The following NAV2 variants were observed in gnomAD, a reference collection of about 807,000 sequenced individuals.
NAV2 encodes the protein helicase, APC down-regulated 1.
In NAV2, 54 loss-of-function variants were observed where a neutral mutation model predicts 223.2. The observed-to-expected ratio is 0.24, with a 90% CI of 0.19 to 0.30. NAV2 has a LOEUF of 0.30. NAV2 is among the 10% of genes least tolerant of loss of function. The probability of loss-of-function intolerance (pLI) is 1.00; values close to 1 mark genes in which losing one functional copy is unlikely to be tolerated. For synonymous variants in NAV2, 1,279 were observed against 1,239.3 expected (o/e 1.03, Z -0.67); for missense variants, 2,806 against 3,147.5 (o/e 0.89, Z 2.60).
chr11:19,877,470 C>CTTTTTTTTTTTTTTCTTTTTTGTTTTGT, intron 4 of NAV2, among the ~76,000 whole-genome samples: 1 of 82,606 alleles, frequency 1.2e-5, no homozygotes, highest in Non-Finnish European at 2.2e-5. Flanking sequence ...TATCTTCATT[C>CTTTTTTTTTTTTTTCTTTTTTGTTTTGT]TTTTTTTTTT....
chr11:19,407,214 G>A (rs944879157), intron 1 of NAV2, among the ~76,000 whole-genome samples: 11 of 152,148 alleles, frequency 7.2e-5, no homozygotes, highest in African/African-American at 2.7e-4. Context: ...ATTTTGCAGG[G>A]TACTGGAAAG....
chr11:19,866,925 A>G (rs1429629439), intron 3 of NAV2, among the ~76,000 whole-genome samples: 1 of 152,174 alleles, frequency 6.6e-6, no homozygotes, highest in African/African-American at 2.4e-5. Context: ...CATGTGCAAG[A>G]TATTATATAA....
At chr11:19,913,039 G>T (rs555608048) in intron 6 of NAV2, among the ~76,000 whole-genome samples, 1 of 152,296 alleles carries the variant, frequency 6.6e-6, no homozygotes, top group South Asian at 2.1e-4. Context: ...CGCCATGAAA[G>T]CTACTCCTCC....
chr11:19,529,880 A>G (rs2043971617), intron 1 of NAV2, among the ~76,000 whole-genome samples: 1 of 152,230 alleles, frequency 6.6e-6, no homozygotes, highest in South Asian at 2.1e-4. Flanking sequence ...TGGAACACAA[A>G]GCGTCATTTT....
At chr11:19,399,012 A>G (rs973093351) in intron 1 of NAV2, among the ~76,000 whole-genome samples, 12 of 152,342 alleles carry the variant, frequency 7.9e-5, no homozygotes, top group African/African-American at 2.9e-4. Context: ...TTTGTAATGC[A>G]TCAGCCTCAT....
At chr11:19,993,860 G>T (rs1033686528) in intron 11 of NAV2, among the ~76,000 whole-genome samples, 2 of 152,208 alleles carry the variant, frequency 1.3e-5, no homozygotes. Flanking sequence ...AGAAAATGCT[G>T]GTGATTGTTT....
chr11:19,373,572 G>C (rs938721789), intron 1 of NAV2, among the ~76,000 whole-genome samples: 2 of 152,042 alleles, frequency 1.3e-5, no homozygotes, highest in Admixed American at 1.3e-4. Context: ...ATCCAAACTA[G>C]TCCCTCCTGC....
At chr11:19,660,565 C>A (rs754665419) in intron 1 of NAV2, among the ~76,000 whole-genome samples, 2 of 152,028 alleles carry the variant, frequency 1.3e-5, no homozygotes, top group African/African-American at 2.4e-5. Context: ...GCATCAGATC[C>A]CAACAAAAGT....
At chr11:20,091,830 G>GTTCAA (rs1482905633) in intron 27 of NAV2, among the ~76,000 whole-genome samples, 2 of 152,170 alleles carry the variant, frequency 1.3e-5, no homozygotes, top group Non-Finnish European at 2.9e-5. Context: ...ATGTGCCTCT[G>GTTCAA]TTCAATTCAT....
chr11:19,541,555 G>T (rs1814469771), intron 1 of NAV2, among the ~76,000 whole-genome samples: 1 of 152,196 alleles, frequency 6.6e-6, no homozygotes, highest in Non-Finnish European at 1.5e-5. Context: ...CTGAGGCCAG[G>T]ACTCCTCCAC....
intron 3 of NAV2, among the ~76,000 whole-genome samples, chr11:19,865,794 A>G (rs1565456761): frequency 1.3e-5 from 2 of 152,340 alleles, no homozygotes; most frequent in East Asian, 1.9e-4. Flanking sequence ...AGAAGAAAAC[A>G]ATGGTGCCCT....
At chr11:19,369,284 A>G (rs1848391946) in intron 1 of NAV2, among the ~76,000 whole-genome samples, 1 of 152,222 alleles carries the variant, frequency 6.6e-6, no homozygotes, top group Admixed American at 6.5e-5. Flanking sequence ...AACTTTGCAT[A>G]GCACATTGGA....
At chr11:19,697,798 G>A (rs2049392393) in intron 1 of NAV2, among the ~76,000 whole-genome samples, 2 of 152,232 alleles carry the variant, frequency 1.3e-5, no homozygotes, top group South Asian at 4.1e-4. Flanking sequence ...AGGTGCAGAT[G>A]CTTGTGATGG....
intron 1 of NAV2, among the ~76,000 whole-genome samples, chr11:19,695,261 T>C (rs1200024413): frequency 6.6e-6 from 1 of 152,224 alleles, no homozygotes; most frequent in East Asian, 1.9e-4. Flanking sequence ...ATACAGACTT[T>C]GGAGTCTGCA....
At chr11:19,595,165 TC>T (rs1390198158) in intron 1 of NAV2, among the ~76,000 whole-genome samples, 1 of 152,182 alleles carries the variant, frequency 6.6e-6, no homozygotes, top group Non-Finnish European at 1.5e-5. Flanking sequence ...GCTGTGTTTA[TC>T]CACCATCTTC....
intron 3 of NAV2, among the ~76,000 whole-genome samples, chr11:19,849,783 A>G (rs534693214): frequency 6.6e-6 from 1 of 152,340 alleles, no homozygotes; most frequent in East Asian, 1.9e-4. Flanking sequence ...CAAAGTAGAA[A>G]GAGCTCAGGG....
At chr11:19,940,629 A>AT (rs2046328207) in intron 8 of NAV2, among the ~76,000 whole-genome samples, 1 of 152,196 alleles carries the variant, frequency 6.6e-6, no homozygotes. Context: ...CTTAAAATCC[A>AT]TTTATTGAAC....
At chr11:20,116,767 G>A (rs1352251842) in intron 37 of NAV2, among the ~76,000 whole-genome samples, 1 of 152,154 alleles carries the variant, frequency 6.6e-6, no homozygotes, top group Non-Finnish European at 1.5e-5. Context: ...TTAGATATTT[G>A]GTATTTCTCC....
intron 1 of NAV2, among the ~76,000 whole-genome samples, chr11:19,766,639 G>GA (rs2055253187): frequency 6.6e-6 from 1 of 152,184 alleles, no homozygotes; most frequent in Non-Finnish European, 1.5e-5. Context: ...ATCATGGTGT[G>GA]AAAAGCTGGT....
Sources: allele counts gnomAD v4.1 joint callset (sites outside exome capture counted in the v4.1 genomes callset), GRCh38; gene constraint gnomAD v4.1.1; transcripts MANE v1.5; gene names NCBI Gene and HGNC (gene_info 2026-07-23, HGNC 2026-07-21).